Variants in CCDC148 observed in about 807,000 individuals in gnomAD.
CCDC148 encodes the protein coiled-coil domain containing 148.
A neutral mutation model predicts 85.7 loss-of-function variants in CCDC148; 89 were observed. That is an observed-to-expected ratio of 1.04 (90% CI 0.87 to 1.24). The LOEUF (loss-of-function observed/expected upper bound fraction) is 1.24, where lower values mean the gene tolerates loss of function less well. Among genes scored for constraint, CCDC148 ranks in the 50% most tolerant of loss-of-function variants. CCDC148 has a pLI of 0.00. For missense variants in CCDC148, 692 were observed against 671.7 expected, an observed-to-expected ratio of 1.03 and a Z score of -0.33; for synonymous variants, 230 against 213.9, an observed-to-expected ratio of 1.08 and a Z score of -0.66.
At chr2:158,347,450 G>GA (rs528962491) in intron 2 of CCDC148, among the ~76,000 whole-genome samples, 381 of 144,116 alleles carry the variant, frequency 2.6e-3, no homozygotes, top group African/African-American at 8.7e-3. Context: ...GGCCAAAAAT[G>GA]AAAAAAAAAA....
In CCDC148 at chr2:158,304,666, T is replaced by C. The variant is rs149075966; in HGVS notation, c.1110+4767A>G. Among the ~76,000 whole-genome samples, 5 of 152,274 alleles carry C rather than the reference T, an allele frequency of 3.3e-5. No individual in the cohort carries two copies. The East Asian group carries it at 5.8e-4, about 18-fold the overall frequency. On this transcript the variant is annotated intron_variant, in intron 9 of 13. Coordinates refer to ENST00000283233, the MANE Select transcript of CCDC148 (RefSeq NM_138803.4). The stretch of plus-strand genomic sequence containing the variant: ...TTCCATTTAGGTGTAGAAAGTTAGA[T>C]AGAATATTGTTCTCACCGTAACCAG...
rs532684878 is a variant in CCDC148, at chr2:158,304,370, T to C, written c.1110+5063A>G. On this transcript the variant is annotated intron_variant, in intron 9 of 13. Transcript: ENST00000283233. ...TCTCCAAGCAGTACTGTTGCCTTGA[T>C]TGCTAGCTGGGCTTTCCAGGAAAGA... is the stretch of plus-strand genomic sequence containing the variant. Among the ~76,000 whole-genome samples, 4 of 152,276 alleles carry C rather than the reference T, an allele frequency of 2.6e-5. No homozygotes were observed. In the East Asian group the frequency reaches 5.8e-4, roughly 22 times the overall value.
At chr2:158,377,593 C>T (rs1684707822) in intron 1 of CCDC148, among the ~76,000 whole-genome samples, 1 of 152,034 alleles carries the variant, frequency 6.6e-6, no homozygotes, top group Non-Finnish European at 1.5e-5. Context: ...TGGCGACATA[C>T]AGGCATACCT....
At position 158,313,795 on chromosome 2, in the gene CCDC148, C is replaced by G. The variant is rs368173329; in HGVS notation, c.864G>C (p.Met288Ile). The G allele has an allele frequency of 6.2e-7, 1 of 1,613,966 alleles. No individual in the cohort carries two copies. The highest frequency in any genetic ancestry group is 1.1e-5 in the South Asian group (1 of 91,054). Residue 288 changes from methionine (M) to isoleucine (I), a missense_variant, in exon 8 of 14, where the codon ATG becomes ATC. Physicochemically the swap from Met to Ile is conservative, Grantham distance 10 (BLOSUM62 1). Coordinates refer to ENST00000283233, the MANE Select transcript of CCDC148 (RefSeq NM_138803.4). Reference protein sequence around the residue: ...LFGRRTLYLDMLQRYFPHKSR... With the variant: ...LFGRRTLYLDILQRYFPHKSR... The stretch of plus-strand genomic sequence containing the variant: ...ATTTGTGAGGAAAATATCTTTGTAA[C>G]ATGTCCAGATACAGAGTCCTTCTTC...
intron 13 of CCDC148, among the ~76,000 whole-genome samples, chr2:158,175,043 C>T (rs1325833279): frequency 1.3e-5 from 2 of 152,114 alleles, no homozygotes; most frequent in East Asian, 1.9e-4. Context: ...CTGAACCTAA[C>T]ACATGTTTCC....
chr2:158,177,922 C>G (rs1034496034), intron 12 of CCDC148: 2 of 152,014 alleles, frequency 1.3e-5, no homozygotes, highest in East Asian at 3.9e-4. Flanking sequence ...ATTAATATTG[C>G]CCACGTCATA....
At chr2:158,373,228 C>T (rs949516977) in intron 1 of CCDC148, among the ~76,000 whole-genome samples, 1 of 151,920 alleles carries the variant, frequency 6.6e-6, no homozygotes. Flanking sequence ...CCAAACAATG[C>T]AGGTAGCCTC....
At chr2:158,175,636 G>A (rs1363852630) in intron 13 of CCDC148, among the ~76,000 whole-genome samples, 2 of 151,966 alleles carry the variant, frequency 1.3e-5, no homozygotes, top group Admixed American at 6.6e-5. Context: ...GGCACCATAC[G>A]CAGAGCCAGA....
intron 1 of CCDC148, among the ~76,000 whole-genome samples, chr2:158,417,242 A>T (rs1574782808): frequency 1.3e-5 from 2 of 152,178 alleles, no homozygotes; most frequent in Admixed American, 1.3e-4. Flanking sequence ...TTTCTTTGGA[A>T]CCCAAACACT....
At chr2:158,333,928 C>G (rs1425086156) in intron 7 of CCDC148, among the ~76,000 whole-genome samples, 1 of 152,058 alleles carries the variant, frequency 6.6e-6, no homozygotes, top group Non-Finnish European at 1.5e-5. Flanking sequence ...CTTTCCACAT[C>G]AAGTTTACAA....
chr2:158,340,580 G>T lies in CCDC148; in HGVS notation c.334+18C>A, dbSNP rs767362153. On this transcript the variant is annotated intron_variant, in intron 4 of 13. Coordinates refer to ENST00000283233, the MANE Select transcript of CCDC148 (RefSeq NM_138803.4). ...AAAATAAAACTCCCCTTTAAATATA[G>T]GATCAAAAAAATCTTACCAAAATTT... The T allele has an allele frequency of 5.2e-6, 8 of 1,544,898 alleles. No homozygotes were observed. In the South Asian group the frequency reaches 8.4e-5, roughly 16 times the overall value.
chr2:158,395,175 C>T (rs1159470643), intron 1 of CCDC148, among the ~76,000 whole-genome samples: 1 of 152,074 alleles, frequency 6.6e-6, no homozygotes, highest in Non-Finnish European at 1.5e-5. Flanking sequence ...ATGGTTTTGT[C>T]TAGTTGAGGG....
intron 11 of CCDC148, among the ~76,000 whole-genome samples, chr2:158,197,121 T>C (rs918130465): frequency 5.3e-5 from 8 of 152,162 alleles, no homozygotes; most frequent in Non-Finnish European, 8.8e-5. Context: ...TGGAGAATGA[T>C]TGGGAATTTT....
intron 10 of CCDC148, among the ~76,000 whole-genome samples, chr2:158,229,523 G>A (rs2204088): frequency 0.67 from 102,208 of 152,016 alleles, 35,391 homozygotes; most frequent in East Asian, 0.9. Flanking sequence ...ATGCCTCTCA[G>A]TTTCTCATAG....
intron 8 of CCDC148, among the ~76,000 whole-genome samples, chr2:158,310,418 G>A (rs554978025): frequency 7.2e-5 from 11 of 152,284 alleles, no homozygotes; most frequent in East Asian, 5.8e-4. Flanking sequence ...ATCATGGCCC[G>A]TTCTCAATGA....
At chr2:158,180,516 A>C (rs1684846637) in intron 11 of CCDC148, among the ~76,000 whole-genome samples, 1 of 152,062 alleles carries the variant, frequency 6.6e-6, no homozygotes, top group Non-Finnish European at 1.5e-5. Flanking sequence ...CAGGGTCTTG[A>C]GGATTAGGAT....
chr2:158,220,842 C>A, intron 10 of CCDC148, 129 bp from the exon 11 acceptor site: 1 of 663,776 alleles, frequency 1.5e-6, no homozygotes. Context: ...TTTTTTGTTT[C>A]ATAGATATGC....
chr2:158,280,699 T>A (rs1051506047), intron 9 of CCDC148, among the ~76,000 whole-genome samples: 73 of 152,250 alleles, frequency 4.8e-4, no homozygotes, highest in African/African-American at 1.7e-3. Context: ...CACCCCACTG[T>A]CAACATTAGA....
intron 1 of CCDC148, among the ~76,000 whole-genome samples, chr2:158,429,405 G>GATAGA (rs1687236182): frequency 7.0e-6 from 1 of 142,264 alleles, no homozygotes; most frequent in Non-Finnish European, 1.5e-5. Context: ...AGATAGATAG[G>GATAGA]AATACTTAGA....
Sources: gnomAD v4.1 joint callset for allele counts (sites outside exome capture counted in the v4.1 genomes callset) on GRCh38, gnomAD v4.1.1 for gene constraint, MANE v1.5 for transcripts, NCBI Gene and HGNC (gene_info 2026-07-23, HGNC 2026-07-21) for gene names.